CFAP20DC: variants seen among roughly 807,000 people sequenced by gnomAD.
CFAP20DC encodes CFAP20 domain containing.
Under a neutral mutation model 101.7 loss-of-function variants are expected in CFAP20DC, and 84 were observed. The ratio of observed to expected loss-of-function variants is 0.83; its 90% CI spans 0.69 to 0.99. The LOEUF (loss-of-function observed/expected upper bound fraction) is 0.99, where lower values mean the gene tolerates loss of function less well. CFAP20DC is among the 50% of genes least tolerant of loss of function. The pLI, the probability that CFAP20DC is intolerant of heterozygous loss-of-function variation, is 0.00. For missense variants in CFAP20DC, 1,007 were observed against 970.3 expected (o/e 1.04, Z -0.50); for synonymous variants, 359 against 351.2 (o/e 1.02, Z -0.25).
chr3:58,962,479 A>T (rs748709216), intron 4 of CFAP20DC, among the ~76,000 whole-genome samples: 3 of 152,184 alleles, frequency 2.0e-5, no homozygotes, highest in African/African-American at 4.8e-5. Flanking sequence ...CTGAAAGAGA[A>T]TCTGTATTCT....
At chr3:58,970,620 G>C (rs904391829) in intron 4 of CFAP20DC, 3 of 152,102 alleles carry the variant, frequency 2.0e-5, no homozygotes, top group African/African-American at 4.8e-5. Flanking sequence ...TGTTATGGCA[G>C]CCCTCAGAAA....
At chr3:59,042,547 G>A (rs540483232) in intron 3 of CFAP20DC, among the ~76,000 whole-genome samples, 11 of 152,048 alleles carry the variant, frequency 7.2e-5, no homozygotes, top group South Asian at 6.3e-4. Context: ...GCAAAAGCAC[G>A]AACGAGAAAA....
rs1429380989 is a variant in CFAP20DC, at chr3:59,049,662, C to G, written c.-31G>C. On this transcript the variant is annotated 5_prime_UTR_variant, in exon 1 of 17. Coordinates refer to ENST00000482387, the MANE Select transcript of CFAP20DC (RefSeq NM_001394063.1). Reference sequence around the variant, plus strand: ...CAGGGGGCCCAGGGCTTGGGGGGCACAGAGTTCAGGGTTTCCAGCGAGTGG... The same window carrying G: ...CAGGGGGCCCAGGGCTTGGGGGGCAGAGAGTTCAGGGTTTCCAGCGAGTGG... The G allele has an allele frequency of 2.6e-6, 4 of 1,535,614 alleles. No homozygotes were observed. The Admixed American group carries it at 5.9e-5, about 23-fold the overall frequency.
At chr3:59,034,409 G>A (rs1017060937) in intron 4 of CFAP20DC, among the ~76,000 whole-genome samples, 4 of 152,162 alleles carry the variant, frequency 2.6e-5, no homozygotes, top group African/African-American at 9.7e-5. Context: ...CAAATTGGAT[G>A]AAGAGTCAAG....
At chr3:58,810,594 A>G (rs1447341123) in intron 14 of CFAP20DC, among the ~76,000 whole-genome samples, 1 of 149,934 alleles carries the variant, frequency 6.7e-6, no homozygotes, top group Admixed American at 6.6e-5. Flanking sequence ...CACAGCCAGT[A>G]TCATACTGAA....
In CFAP20DC at chr3:58,882,357, C is replaced by T. The variant is rs2081290716; in HGVS notation, c.715+2188G>A. Among the ~76,000 whole-genome samples, 1 of 152,014 alleles carries T rather than the reference C, an allele frequency of 6.6e-6. No homozygotes were observed. The highest frequency in any genetic ancestry group is 2.1e-4 in the South Asian group (1 of 4,826). On this transcript the variant is annotated intron_variant, in intron 7 of 16. Transcript: ENST00000482387. This position sits in a 1 kb window ranked among gnomAD's most constrained non-coding sequence, Gnocchi z 4.2. ...ATTTAATTTCACACATTATAAGTGT[C>T]CTTCAAATTTAAATTGAAAAAGACA...
rs762766475 is a variant in CFAP20DC, at chr3:58,867,151, G to GAA, written c.1136-465_1136-464dup. ...CTATCTACTCTTTTATAAAAAGCAT[G>GAA]AAACCTAGCAGGCTAAATTTCAGCC... On this transcript the variant is annotated intron_variant, in intron 10 of 16. Transcript: ENST00000482387. Among the ~76,000 whole-genome samples, 16 of 152,214 alleles carry GAA rather than the reference G, an allele frequency of 1.1e-4. No homozygotes were observed. In the East Asian group the frequency reaches 2.1e-3, roughly 20 times the overall value.
At chr3:58,773,386 A>G (rs1398029902) in intron 15 of CFAP20DC, among the ~76,000 whole-genome samples, 5 of 147,546 alleles carry the variant, frequency 3.4e-5, no homozygotes, top group African/African-American at 1.0e-4. Context: ...CCTCATCTCT[A>G]GCAAAAAAAA....
At chr3:58,942,205 G>C (rs2088701608) in intron 4 of CFAP20DC, among the ~76,000 whole-genome samples, 1 of 152,030 alleles carries the variant, frequency 6.6e-6, no homozygotes, top group Non-Finnish European at 1.5e-5. Flanking sequence ...TTGTATTCTT[G>C]GAGGAAATTT....
chr3:58,736,280 A>T (rs2067753632), intron 3 of CFAP20DC, among the ~76,000 whole-genome samples: 1 of 152,196 alleles, frequency 6.6e-6, no homozygotes, highest in Admixed American at 6.5e-5. Flanking sequence ...GAGTTGGCTA[A>T]AAGGTTTGTA....
chr3:58,997,292 A>AC (rs2093166385), intron 4 of CFAP20DC, among the ~76,000 whole-genome samples: 1 of 152,168 alleles, frequency 6.6e-6, no homozygotes, highest in South Asian at 2.1e-4. Flanking sequence ...TATTATCTCT[A>AC]CCCTATAGAT....
At chr3:58,870,716 G>A (rs1385479386) in intron 7 of CFAP20DC, among the ~76,000 whole-genome samples, 1 of 148,210 alleles carries the variant, frequency 6.7e-6, no homozygotes, top group Non-Finnish European at 1.5e-5. Context: ...GTGAAACCCC[G>A]TCTCTACTAA....
At position 58,785,557 on chromosome 3, in the gene CFAP20DC, T is replaced by C. The variant is rs574532183; in HGVS notation, c.2237+20838A>G. Reference sequence around the variant, plus strand: ...ATATGTACTCCATAAATGTAAAATATTATGTATCGGTTTAAAACAGAAAAA... The same window carrying C: ...ATATGTACTCCATAAATGTAAAATACTATGTATCGGTTTAAAACAGAAAAA... On this transcript the variant is annotated intron_variant, in intron 15 of 16. Transcript: ENST00000482387. Among the ~76,000 whole-genome samples, 103 of 152,186 alleles carry C rather than the reference T, an allele frequency of 6.8e-4. No homozygotes were observed. In the Middle Eastern group the frequency reaches 0.01, roughly 15 times the overall value.
intron 4 of CFAP20DC, among the ~76,000 whole-genome samples, chr3:59,009,529 A>G (rs886575572): frequency 2.6e-5 from 4 of 152,206 alleles, no homozygotes; most frequent in Non-Finnish European, 5.9e-5. Context: ...AAATGCAGTG[A>G]AGTCTCAACA....
rs776857758 is a variant in CFAP20DC at position 58,722,592 on chromosome 3, C to T, written c.198-4964G>A. ...AACTCAAAAGCCCAGCTCTCCCCTT[C>T]GACGCAGGGTCAAGGCAAGACAGGG... On this transcript the variant is annotated intron_variant, in intron 3 of 3. Coordinates refer to the CFAP20DC transcript ENST00000486145. The surrounding 1 kb of genome is among the most constrained non-coding windows in gnomAD (Gnocchi z 4.5). Among the ~76,000 whole-genome samples, 26 of 152,202 alleles carry T rather than the reference C, an allele frequency of 1.7e-4. No homozygotes were observed. Among genetic ancestry groups the T allele is most frequent in the Non-Finnish European group, 2.9e-4 (20 of 68,030 alleles).
At chr3:58,979,333 G>A (rs1250263220) in intron 4 of CFAP20DC, among the ~76,000 whole-genome samples, 2 of 152,208 alleles carry the variant, frequency 1.3e-5, no homozygotes, top group Non-Finnish European at 1.5e-5. Context: ...TCTCTATCTT[G>A]TAAAATTGCT....
chr3:58,825,543 A>ACACACACC, intron 14 of CFAP20DC, among the ~76,000 whole-genome samples: 1 of 151,804 alleles, frequency 6.6e-6, no homozygotes, highest in South Asian at 2.1e-4. Context: ...AAGAAAACAC[A>ACACACACC]CACACACACA....
chr3:58,840,049 A>G (rs2076993974), intron 13 of CFAP20DC, among the ~76,000 whole-genome samples: 1 of 152,254 alleles, frequency 6.6e-6, no homozygotes, highest in South Asian at 2.1e-4. Flanking sequence ...ATATTTAAAA[A>G]GAGAGCAGAG....
chr3:58,723,456 T>C (rs1248609076), intron 3 of CFAP20DC, among the ~76,000 whole-genome samples: 1 of 152,268 alleles, frequency 6.6e-6, no homozygotes, highest in Admixed American at 6.5e-5. Flanking sequence ...CATAAGATGG[T>C]ATTTATATTC....
Sources: allele counts gnomAD v4.1 joint callset (sites outside exome capture counted in the v4.1 genomes callset), GRCh38; gene constraint gnomAD v4.1.1; non-coding constraint Gnocchi (gnomAD v3.1); transcripts MANE v1.5; gene names NCBI Gene and HGNC (gene_info 2026-07-23, HGNC 2026-07-21).